Variants in MITF observed in about 807,000 individuals in gnomAD.
The protein encoded by MITF is melanocyte inducing transcription factor.
Under a neutral mutation model 60.5 loss-of-function variants are expected in MITF, and 17 were observed. The observed-to-expected ratio is 0.28, with a 90% CI of 0.19 to 0.42. The LOEUF (loss-of-function observed/expected upper bound fraction) is 0.42. Among genes scored for constraint, MITF ranks in the 10% least tolerant of loss-of-function variants. The probability of loss-of-function intolerance (pLI) is 1.00; values close to 1 mark genes in which losing one functional copy is unlikely to be tolerated. For missense variants in MITF, 622 were observed against 683.5 expected (o/e 0.91, Z 1.00); for synonymous variants, 260 against 248.5 (o/e 1.05, Z -0.43).
chr3:69,759,361 G>T (rs2106796056), intron 1 of MITF, among the ~76,000 whole-genome samples: 1 of 152,226 alleles, frequency 6.6e-6, no homozygotes, highest in East Asian at 1.9e-4. Flanking sequence ...ACACACAAAA[G>T]TGCAAAAAAT....
At chr3:69,849,635 C>T (rs1372151958) in intron 1 of MITF, among the ~76,000 whole-genome samples, 1 of 152,158 alleles carries the variant, frequency 6.6e-6, no homozygotes, top group Non-Finnish European at 1.5e-5. Context: ...ATGGGAAGAG[C>T]TTGGAATTGA....
At chr3:69,913,754 A>G (rs1482640435) in intron 2 of MITF, among the ~76,000 whole-genome samples, 1 of 152,164 alleles carries the variant, frequency 6.6e-6, no homozygotes, top group African/African-American at 2.4e-5. Context: ...ATCCTAACGA[A>G]CGTATTAATA....
chr3:69,946,026 G>T (rs941852536), intron 5 of MITF, among the ~76,000 whole-genome samples: 2 of 152,160 alleles, frequency 1.3e-5, no homozygotes, highest in African/African-American at 2.4e-5. Context: ...TAGCTCACCT[G>T]TCAAAACTGT....
intron 1 of MITF, chr3:69,763,700 T>G: frequency 7.7e-7 from 1 of 1,302,488 alleles, no homozygotes; most frequent in Non-Finnish European, 9.9e-7. Context: ...CTGGTGAGTG[T>G]TTTCAGCTCT....
intron 2 of MITF, among the ~76,000 whole-genome samples, chr3:69,888,802 C>T (rs973137686): frequency 7.9e-5 from 12 of 151,990 alleles, no homozygotes; most frequent in African/African-American, 2.7e-4. Context: ...CCCCTATTAA[C>T]TTTGTTGCCT....
intron 1 of MITF, among the ~76,000 whole-genome samples, chr3:69,780,281 T>A (rs1471152156): frequency 3.9e-5 from 6 of 152,184 alleles, no homozygotes; most frequent in Non-Finnish European, 8.8e-5. Flanking sequence ...AGGTCCGGTG[T>A]GGCTGGTGTT....
intron 1 of MITF, among the ~76,000 whole-genome samples, chr3:69,779,461 A>G (rs1665718654): frequency 6.6e-6 from 1 of 152,238 alleles, no homozygotes; most frequent in Non-Finnish European, 1.5e-5. Context: ...GAGAATGCAG[A>G]AGATTTACAG....
At chr3:69,821,769 A>G (rs2063278260) in intron 1 of MITF, among the ~76,000 whole-genome samples, 1 of 150,768 alleles carries the variant, frequency 6.6e-6, no homozygotes, top group African/African-American at 2.4e-5. Flanking sequence ...GCTTTTTGAG[A>G]CTGAGTCTCA....
intron 2 of MITF, among the ~76,000 whole-genome samples, chr3:69,925,256 A>G (rs1033440637): frequency 6.6e-6 from 1 of 152,184 alleles, no homozygotes; most frequent in Non-Finnish European, 1.5e-5. Flanking sequence ...AAAGCATTTA[A>G]GCAACTTGCC....
chr3:69,928,794 T>C (rs1200807437), intron 2 of MITF, among the ~76,000 whole-genome samples: 1 of 152,178 alleles, frequency 6.6e-6, no homozygotes, highest in Non-Finnish European at 1.5e-5. Context: ...TTTGTGTCCA[T>C]GGACTGCCAG....
At chr3:69,936,830 T>G in intron 2 of MITF, 2 of 1,361,916 alleles carry the variant, frequency 1.5e-6, no homozygotes, top group East Asian at 4.7e-5. Flanking sequence ...TTTTTGTTAT[T>G]GTAATAGACA....
intron 5 of MITF, among the ~76,000 whole-genome samples, chr3:69,945,376 A>G (rs1217582210): frequency 6.6e-6 from 1 of 152,168 alleles, no homozygotes; most frequent in Non-Finnish European, 1.5e-5. Context: ...CTTGTCATTT[A>G]GGTAAATGGC....
chr3:69,825,852 T>G (rs2063345464), intron 1 of MITF, among the ~76,000 whole-genome samples: 1 of 152,186 alleles, frequency 6.6e-6, no homozygotes, highest in African/African-American at 2.4e-5. Flanking sequence ...CAGATCTGAT[T>G]CCTAGCTGGT....
At chr3:69,797,743 C>T (rs1217866305) in intron 1 of MITF, among the ~76,000 whole-genome samples, 1 of 152,198 alleles carries the variant, frequency 6.6e-6, no homozygotes, top group Admixed American at 6.5e-5. Flanking sequence ...ATTTCTTCCA[C>T]CCATGTTGGT....
intron 9 of MITF, among the ~76,000 whole-genome samples, chr3:69,962,192 G>T (rs1479528418): frequency 6.6e-6 from 1 of 152,220 alleles, no homozygotes; most frequent in Non-Finnish European, 1.5e-5. Flanking sequence ...TTATTAGCAT[G>T]TTGGTGTAGA....
chr3:69,834,646 T>C (rs1359413836), intron 1 of MITF, among the ~76,000 whole-genome samples: 1 of 152,198 alleles, frequency 6.6e-6, no homozygotes, highest in Non-Finnish European at 1.5e-5. Context: ...GGAGTGCAGA[T>C]ATCTCTTTGG....
intron 1 of MITF, among the ~76,000 whole-genome samples, chr3:69,851,047 A>G (rs1422774237): frequency 6.6e-6 from 1 of 152,170 alleles, no homozygotes; most frequent in East Asian, 1.9e-4. Context: ...ATAGTTACAC[A>G]TAGATCAAGA....
intron 8 of MITF, among the ~76,000 whole-genome samples, chr3:69,956,907 G>C (rs1334168225): frequency 6.6e-6 from 1 of 152,102 alleles, no homozygotes; most frequent in Non-Finnish European, 1.5e-5. Context: ...TCTTTGACTT[G>C]TACAGTACCT....
At chr3:69,918,367 G>A (rs1369932339) in intron 2 of MITF, among the ~76,000 whole-genome samples, 1 of 152,118 alleles carries the variant, frequency 6.6e-6, no homozygotes, top group Non-Finnish European at 1.5e-5. Context: ...TTTTTAATAA[G>A]GAAAGTAATA....
Sources: allele counts gnomAD v4.1 joint callset (sites outside exome capture counted in the v4.1 genomes callset), GRCh38; gene constraint gnomAD v4.1.1; transcripts MANE v1.5; gene names NCBI Gene and HGNC (gene_info 2026-07-23, HGNC 2026-07-21).